The following CDK14 variants were observed in gnomAD, a reference collection of about 807,000 sequenced individuals.
CDK14 encodes the protein cyclin-dependent kinase 14.
CDK14 carries 34 observed loss-of-function variants against 60.7 expected under a neutral mutation model. That is an observed-to-expected ratio of 0.56 (90% CI 0.43 to 0.75). The LOEUF (loss-of-function observed/expected upper bound fraction) is 0.75, where lower values mean the gene tolerates loss of function less well. Ranked by LOEUF, CDK14 falls within the 30% of genes least tolerant of loss-of-function variation. CDK14 has a pLI of 0.00. For synonymous variants in CDK14, 197 were observed against 203.7 expected, an observed-to-expected ratio of 0.97 and a Z score of 0.28; for missense variants, 482 against 564.1, an observed-to-expected ratio of 0.85 and a Z score of 1.47.
At chr7:90,741,076 C>T (rs374950568) in intron 3 of CDK14, among the ~76,000 whole-genome samples, 34 of 152,128 alleles carry the variant, frequency 2.2e-4, no homozygotes, top group African/African-American at 8.0e-4. Flanking sequence ...AGGAATTGAC[C>T]CCACATTGAA....
chr7:91,024,458 C>A (rs1358117653), intron 10 of CDK14, among the ~76,000 whole-genome samples: 1 of 152,178 alleles, frequency 6.6e-6, no homozygotes, highest in Non-Finnish European at 1.5e-5. Context: ...TCAAGACCAG[C>A]CTGGCCAACA....
chr7:90,689,829 TTAA>T (rs1801517265), intron 2 of CDK14, among the ~76,000 whole-genome samples: 1 of 152,222 alleles, frequency 6.6e-6, no homozygotes, highest in East Asian at 1.9e-4. Context: ...CATCTAGGAC[TTAA>T]TAATTGTTTG....
chr7:91,047,844 C>G (rs535493155), intron 11 of CDK14, among the ~76,000 whole-genome samples: 2 of 152,060 alleles, frequency 1.3e-5, no homozygotes, highest in Admixed American at 6.5e-5. Context: ...AACAAATTTC[C>G]AAGTCCTTCC....
At chr7:90,679,731 T>A (rs1027935797) in intron 2 of CDK14, among the ~76,000 whole-genome samples, 2 of 152,250 alleles carry the variant, frequency 1.3e-5, no homozygotes, top group Non-Finnish European at 2.9e-5. Flanking sequence ...AGTAGTTTAC[T>A]TTCTTAGCAA....
intron 14 of CDK14, among the ~76,000 whole-genome samples, chr7:91,139,467 C>G (rs1303513234): frequency 6.6e-6 from 1 of 152,178 alleles, no homozygotes; most frequent in Non-Finnish European, 1.5e-5. Context: ...GTCACTGCTC[C>G]TCAGATCCCC....
At chr7:90,863,339 A>G in intron 6 of CDK14, 70 bp downstream of exon 6, 3 of 920,034 alleles carry the variant, frequency 3.3e-6, no homozygotes, top group Non-Finnish European at 5.0e-6. Flanking sequence ...GTTGTCATAG[A>G]ATTTCGTTTT....
chr7:91,156,152 A>C (rs921930112), intron 14 of CDK14, among the ~76,000 whole-genome samples: 2 of 152,190 alleles, frequency 1.3e-5, no homozygotes, highest in African/African-American at 2.4e-5. Context: ...CTCATTAACT[A>C]GTTGCCCACT....
chr7:90,842,200 TC>T (rs143516673), intron 5 of CDK14, among the ~76,000 whole-genome samples: 3 of 152,322 alleles, frequency 2.0e-5, no homozygotes, highest in African/African-American at 7.2e-5. Context: ...TTATATATTT[TC>T]TTACAAGATG....
intron 14 of CDK14, among the ~76,000 whole-genome samples, chr7:91,206,411 G>A (rs1802899436): frequency 1.3e-5 from 2 of 152,158 alleles, no homozygotes; most frequent in South Asian, 2.1e-4. Context: ...CTAATGAACC[G>A]ATCCCTCAGC....
chr7:91,135,861 C>G (rs1405516259), intron 14 of CDK14, among the ~76,000 whole-genome samples: 1 of 152,104 alleles, frequency 6.6e-6, no homozygotes. Flanking sequence ...ACACAAAATA[C>G]TCTGAAGTTC....
chr7:90,635,729 T>C (rs929626249), intron 2 of CDK14, among the ~76,000 whole-genome samples: 1 of 152,116 alleles, frequency 6.6e-6, no homozygotes, highest in African/African-American at 2.4e-5. Flanking sequence ...TTGGGCAGTA[T>C]GGCCGTTTTC....
At chr7:90,975,135 G>T (rs369319634) in intron 9 of CDK14, among the ~76,000 whole-genome samples, 2 of 152,244 alleles carry the variant, frequency 1.3e-5, no homozygotes, top group African/African-American at 4.8e-5. Context: ...CCTTCCCACA[G>T]AAGTAGCCCT....
intron 5 of CDK14, among the ~76,000 whole-genome samples, chr7:90,824,319 CACTT>C (rs1789648053): frequency 6.6e-6 from 1 of 152,176 alleles, no homozygotes; most frequent in Non-Finnish European, 1.5e-5. Flanking sequence ...AGAAGAATGT[CACTT>C]ACCCAGAATC....
chr7:91,144,997 ACTTTC>A (rs1361579235), intron 14 of CDK14, among the ~76,000 whole-genome samples: 5 of 152,144 alleles, frequency 3.3e-5, no homozygotes, highest in African/African-American at 7.2e-5. Flanking sequence ...GGATCGCACT[ACTTTC>A]CTTTCATTTT....
At chr7:90,857,298 G>T (rs980096267) in intron 5 of CDK14, among the ~76,000 whole-genome samples, 2 of 152,152 alleles carry the variant, frequency 1.3e-5, no homozygotes, top group African/African-American at 4.8e-5. Context: ...GTTTGAGTAT[G>T]GCTGCGAATA....
At chr7:90,903,385 A>C (rs1048546582) in intron 7 of CDK14, among the ~76,000 whole-genome samples, 5 of 152,202 alleles carry the variant, frequency 3.3e-5, no homozygotes, top group African/African-American at 9.7e-5. Context: ...TTCAGCCATA[A>C]AAATGAATGA....
At chr7:90,742,506 T>A (rs1450530908) in intron 3 of CDK14, among the ~76,000 whole-genome samples, 1 of 152,050 alleles carries the variant, frequency 6.6e-6, no homozygotes, top group Non-Finnish European at 1.5e-5. Flanking sequence ...TAATGGTCTT[T>A]ACAAACAGCA....
At chr7:91,114,429 G>C (rs1584080949) in intron 13 of CDK14, among the ~76,000 whole-genome samples, 1 of 152,062 alleles carries the variant, frequency 6.6e-6, no homozygotes, top group Non-Finnish European at 1.5e-5. Context: ...AACACCAGAG[G>C]GGAATTAAAA....
At chr7:90,678,445 T>G (rs773251069) in intron 2 of CDK14, among the ~76,000 whole-genome samples, 3 of 152,224 alleles carry the variant, frequency 2.0e-5, no homozygotes, top group Non-Finnish European at 2.9e-5. Context: ...GATTTGTTTG[T>G]GTTCGTCTCT....
Sources: allele counts gnomAD v4.1 joint callset (sites outside exome capture counted in the v4.1 genomes callset), GRCh38; gene constraint gnomAD v4.1.1; transcripts MANE v1.5; gene names NCBI Gene and HGNC (gene_info 2026-07-23, HGNC 2026-07-21).